B4GALNT2: variants seen among roughly 807,000 people sequenced by gnomAD.
B4GALNT2 encodes the protein N-acetylneuraminylgalactosylglucosyl-glucoside beta-1,4-N- acetylgalactosaminyltransferase 2.
A neutral mutation model predicts 51.1 loss-of-function variants in B4GALNT2; 42 were observed. The observed-to-expected ratio is 0.82, with a 90% CI of 0.64 to 1.06. B4GALNT2 has a LOEUF of 1.06. Ranked by LOEUF, B4GALNT2 falls within the 50% of genes least tolerant of loss-of-function variation. The pLI, the probability that B4GALNT2 is intolerant of heterozygous loss-of-function variation, is 0.00. For synonymous variants in B4GALNT2, 253 were observed against 251.7 expected, an observed-to-expected ratio of 1.01 and a Z score of -0.05; for missense variants, 602 against 633.6, an observed-to-expected ratio of 0.95 and a Z score of 0.54.
At chr17:49,160,741 A>G in intron 7 of B4GALNT2, 100 bp downstream of exon 7, 2 of 1,150,578 alleles carry the variant, frequency 1.7e-6, no homozygotes, top group Non-Finnish European at 2.6e-6. Context: ...ATTGATCAAA[A>G]TGACAGCTCT....
chr17:49,133,210 G>A (rs2042557083), intron 1 of B4GALNT2: 2 of 1,498,482 alleles, frequency 1.3e-6, no homozygotes, highest in Admixed American at 2.5e-5. Context: ...GGGAGGAGCC[G>A]CCGTCAGGGG....
chr17:49,160,674 C>A (rs759206868), intron 7 of B4GALNT2, 33 bp downstream of exon 7: 15 of 1,571,184 alleles, frequency 9.5e-6, no homozygotes, highest in African/African-American at 4.1e-5. Flanking sequence ...TCCGTGGTGG[C>A]AACCCTGTGA....
intron 6 of B4GALNT2, among the ~76,000 whole-genome samples, chr17:49,159,943 C>T (rs2042847296): frequency 2.0e-5 from 3 of 152,066 alleles, no homozygotes; most frequent in Admixed American, 2.0e-4. Flanking sequence ...ATTCCAAGGG[C>T]TTTGTCTCTC....
chr17:49,131,858 C>T (rs1205520725), upstream of B4GALNT2, among the ~76,000 whole-genome samples: 1 of 152,060 alleles, frequency 6.6e-6, no homozygotes, highest in African/African-American at 2.4e-5. Flanking sequence ...TCTTGCCGGT[C>T]GTGGTGGCTC....
chr17:49,126,679 C>T, the B4GALNT2 span, among the ~76,000 whole-genome samples: 1 of 117,484 alleles, frequency 8.5e-6, no homozygotes, highest in Non-Finnish European at 1.7e-5. Flanking sequence ...GAGATGCAGT[C>T]TTGCTCTGTC....
chr17:49,169,809 G>T lies in B4GALNT2; in HGVS notation c.*81G>T. 1 of 1,330,822 alleles carries T rather than the reference G, an allele frequency of 7.5e-7. No individual in the cohort carries two copies. Among genetic ancestry groups the T allele is most frequent in the Non-Finnish European group, 1.0e-6 (1 of 992,734 alleles). The allele number at this position is 1,330,822 out of a possible 1,614,324, so 82.4% of individuals were successfully genotyped here. ...GCCACCAAAAACTGGACTCCTGATA[G>T]GTGAACGTTGTACCAAACCAGCTGG... On this transcript the variant is annotated 3_prime_UTR_variant, in exon 11 of 11. Coordinates refer to ENST00000393354, the MANE Select transcript of B4GALNT2 (RefSeq NM_001159387.2).
intron 6 of B4GALNT2, among the ~76,000 whole-genome samples, chr17:49,159,533 G>A (rs974789670): frequency 6.6e-6 from 1 of 152,076 alleles, no homozygotes; most frequent in African/African-American, 2.4e-5. Flanking sequence ...ATAGAGACAG[G>A]GTTTCACCAT....
chr17:49,131,810 C>T (rs1370219042), upstream of B4GALNT2, among the ~76,000 whole-genome samples: 2 of 152,082 alleles, frequency 1.3e-5, no homozygotes, highest in African/African-American at 2.4e-5. Flanking sequence ...CGCACCCGGC[C>T]CCATTTTGCA....
chr17:49,132,900 G>T, intron 1 of B4GALNT2, 94 bp downstream of exon 1: 15 of 1,379,122 alleles, frequency 1.1e-5, no homozygotes, highest in Non-Finnish European at 1.4e-5. Flanking sequence ...GCGGGCAGGT[G>T]CTGGGGACGC....
At chr17:49,145,772 C>T (rs963345726) in intron 3 of B4GALNT2, among the ~76,000 whole-genome samples, 2 of 152,220 alleles carry the variant, frequency 1.3e-5, no homozygotes, top group African/African-American at 4.8e-5. Context: ...TCCTTACCTC[C>T]ATTGTGGAGT....
chr17:49,157,238 G>T (rs904089012), intron 5 of B4GALNT2, among the ~76,000 whole-genome samples: 1 of 152,116 alleles, frequency 6.6e-6, no homozygotes, highest in Non-Finnish European at 1.5e-5. Flanking sequence ...ATGGCTCACT[G>T]CAGGCTTGAC....
rs1330711056 is a variant in B4GALNT2 at position 49,136,107 on chromosome 17, G to A, written c.14+3301G>A. 2.0e-5 allele frequency among the ~76,000 whole-genome samples: 3 copies of A among 150,052 alleles called. No homozygotes were observed. In the East Asian group the frequency reaches 5.9e-4, roughly 29 times the overall value. On this transcript the variant is annotated intron_variant, in intron 1 of 10. Coordinates refer to ENST00000393354, the MANE Select transcript of B4GALNT2 (RefSeq NM_001159387.2). ...CAAAAAAAAAAAAAAAGAAAATCCT[G>A]TTTTGCTTTTATTCATGTGGTTATT...
At chr17:49,164,862 T>A (rs1210804222) in intron 8 of B4GALNT2, among the ~76,000 whole-genome samples, 2 of 152,064 alleles carry the variant, frequency 1.3e-5, no homozygotes, top group African/African-American at 4.8e-5. Context: ...TAGGCTGGAG[T>A]GCAGTGGTGC....
At chr17:49,140,730 T>TC (rs1316405978) in intron 1 of B4GALNT2, among the ~76,000 whole-genome samples, 1 of 150,422 alleles carries the variant, frequency 6.6e-6, no homozygotes, top group Non-Finnish European at 1.5e-5. Context: ...CTAACCTTTT[T>TC]TTTTTTTTTT....
chr17:49,156,581 G>C lies in B4GALNT2; in HGVS notation c.476G>C (p.Gly159Ala), dbSNP rs1049865857. ...TVPIPGLQFE[G>A]PDAPVYEVTL... ...TGTCCTCCAGGCCTCCAGTTTGAAG[G>C]ACCCGATGCCCCCGTCTATGAGGTG... Residue 159 changes from glycine to alanine, a missense_variant, in exon 5 of 11, where the codon GGA becomes GCA. Physicochemically the swap from Gly to Ala is moderately conservative, Grantham distance 60. Coordinates refer to ENST00000393354, the MANE Select transcript of B4GALNT2 (RefSeq NM_001159387.2). The C allele has an allele frequency of 6.2e-7, 1 of 1,613,736 alleles. No individual in the cohort carries two copies.
At chr17:49,158,657 A>AG (rs2042832973) in intron 5 of B4GALNT2, among the ~76,000 whole-genome samples, 2 of 148,858 alleles carry the variant, frequency 1.3e-5, no homozygotes, top group Admixed American at 1.3e-4. Context: ...AAAAAAAAAA[A>AG]GGAATCCAGA....
At chr17:49,148,885 G>T (rs544244203) in intron 3 of B4GALNT2, 1 of 192,628 alleles carries the variant, frequency 5.2e-6, no homozygotes, top group Non-Finnish European at 1.1e-5. Context: ...GAGAAACCCC[G>T]TCTCTATTAA....
rs1455992854 is a variant in B4GALNT2 at position 49,173,212 on chromosome 17, T to G, written c.*3484T>G. On this transcript the variant is annotated 3_prime_UTR_variant, in exon 11 of 11. Transcript: ENST00000393354. ...TGACTGCTGTTTGCAATTGGGTAAA[T>G]AAAGCCATCAGTTGCTCATCTGTGT... 1 of 152,218 alleles carries G rather than the reference T, an allele frequency of 6.6e-6. No homozygotes were observed. The highest frequency in any genetic ancestry group is 1.5e-5 in the Non-Finnish European group (1 of 68,038). 9.4% of individuals were successfully genotyped at this position (152,218 alleles called of 1,614,324 possible).
chr17:49,132,694 C>G (rs551928556), upstream of B4GALNT2: 1 of 1,342,308 alleles, frequency 7.4e-7, no homozygotes, highest in East Asian at 3.1e-5. Context: ...CTGCCCTACT[C>G]GCCGAGAATT....
Sources: allele counts gnomAD v4.1 joint callset (sites outside exome capture counted in the v4.1 genomes callset), GRCh38; gene constraint gnomAD v4.1.1; transcripts MANE v1.5; gene names NCBI Gene and HGNC (gene_info 2026-07-23, HGNC 2026-07-21).